CDH13: variants seen among roughly 807,000 people sequenced by gnomAD.
CDH13 encodes cadherin-13.
A neutral mutation model predicts 63.8 loss-of-function variants in CDH13; 24 were observed. That is an observed-to-expected ratio of 0.38 (90% CI 0.27 to 0.53). The LOEUF is 0.53. Among genes scored for constraint, CDH13 ranks in the 20% least tolerant of loss-of-function variants. CDH13 has a pLI of 0.85. For missense variants in CDH13, 1,049 were observed against 903.1 expected, an observed-to-expected ratio of 1.16 and a Z score of -2.07; for synonymous variants, 503 against 355.3, an observed-to-expected ratio of 1.42 and a Z score of -4.67.
intron 3 of CDH13, among the ~76,000 whole-genome samples, chr16:83,113,641 G>C (rs2035166892): frequency 6.6e-6 from 1 of 152,198 alleles, no homozygotes; most frequent in South Asian, 2.1e-4. Context: ...AAAAGGCAAA[G>C]TGCAGCCAAT....
At chr16:83,180,629 A>G (rs763838744) in intron 4 of CDH13, among the ~76,000 whole-genome samples, 43 of 152,242 alleles carry the variant, frequency 2.8e-4, no homozygotes, top group Non-Finnish European at 5.1e-4. Context: ...ATGTGAAAAC[A>G]TGGTCCCAGC....
At chr16:83,149,476 G>C (rs1287454675) in intron 4 of CDH13, among the ~76,000 whole-genome samples, 1 of 152,162 alleles carries the variant, frequency 6.6e-6, no homozygotes, top group Non-Finnish European at 1.5e-5. Flanking sequence ...GGAACTGAGA[G>C]GGGATATGGT....
At chr16:82,883,147 G>C (rs963059120) in intron 2 of CDH13, among the ~76,000 whole-genome samples, 3 of 152,214 alleles carry the variant, frequency 2.0e-5, no homozygotes, top group African/African-American at 7.2e-5. Flanking sequence ...TAAGAGAAGA[G>C]ATAAGAAATG....
chr16:83,432,530 A>G (rs1157550327), intron 6 of CDH13, among the ~76,000 whole-genome samples: 1 of 152,132 alleles, frequency 6.6e-6, no homozygotes, highest in Admixed American at 6.6e-5. Flanking sequence ...TCCTCTCCTC[A>G]CCACAGCTGC....
At chr16:83,129,360 C>T (rs1351640243) in intron 4 of CDH13, among the ~76,000 whole-genome samples, 2 of 152,168 alleles carry the variant, frequency 1.3e-5, no homozygotes, top group Non-Finnish European at 2.9e-5. Flanking sequence ...TCTTTGGCTT[C>T]CCCTAGAAGT....
chr16:83,666,095 CTT>C (rs1477842602), intron 8 of CDH13, among the ~76,000 whole-genome samples: 3 of 152,170 alleles, frequency 2.0e-5, no homozygotes, highest in Admixed American at 2.0e-4. Context: ...AGAAAAGTAA[CTT>C]TATCTATTTT....
intron 4 of CDH13, among the ~76,000 whole-genome samples, chr16:83,202,094 C>T (rs939858422): frequency 2.6e-5 from 4 of 152,116 alleles, no homozygotes; most frequent in African/African-American, 9.7e-5. Context: ...ATAGTGTCCC[C>T]TGAAAATGGC....
At chr16:82,737,132 T>A (rs964508926) in intron 1 of CDH13, among the ~76,000 whole-genome samples, 2 of 152,240 alleles carry the variant, frequency 1.3e-5, no homozygotes, top group Non-Finnish European at 2.9e-5. Flanking sequence ...CCTTGAACCC[T>A]CTAGAACAAT....
intron 1 of CDH13, among the ~76,000 whole-genome samples, chr16:82,722,807 A>G (rs759186370): frequency 6.6e-6 from 1 of 152,208 alleles, no homozygotes; most frequent in African/African-American, 2.4e-5. Flanking sequence ...ATGCAGATAC[A>G]TACATATAAG....
intron 2 of CDH13, among the ~76,000 whole-genome samples, chr16:83,026,326 G>T (rs566278270): frequency 6.6e-6 from 1 of 152,182 alleles, no homozygotes; most frequent in Admixed American, 6.5e-5. Context: ...ATCAGAGAAG[G>T]TTCTCGCTCT....
At chr16:83,636,293 A>G (rs1911258606) in intron 8 of CDH13, among the ~76,000 whole-genome samples, 1 of 152,172 alleles carries the variant, frequency 6.6e-6, no homozygotes, top group African/African-American at 2.4e-5. Context: ...ATTTCAGAAA[A>G]CATTTTTTTT....
intron 4 of CDH13, among the ~76,000 whole-genome samples, chr16:83,197,679 T>C (rs2038913776): frequency 6.6e-6 from 1 of 151,960 alleles, no homozygotes; most frequent in African/African-American, 2.4e-5. Flanking sequence ...AGGATCCCAG[T>C]GGGGATGGAA....
chr16:83,539,016 T>A (rs35008285), intron 7 of CDH13, among the ~76,000 whole-genome samples: 55,918 of 151,626 alleles, frequency 0.37, 11,328 homozygotes, highest in Non-Finnish European at 0.45. Flanking sequence ...AAACCAAGAT[T>A]CATTGTAAAT....
intron 2 of CDH13, among the ~76,000 whole-genome samples, chr16:82,957,915 C>G (rs1906369497): frequency 1.3e-5 from 2 of 152,132 alleles, no homozygotes; most frequent in South Asian, 2.1e-4. Flanking sequence ...CATAATTTTG[C>G]CAGTGTTTAT....
chr16:82,926,587 C>T (rs1235137811), intron 2 of CDH13, among the ~76,000 whole-genome samples: 2 of 152,320 alleles, frequency 1.3e-5, no homozygotes, highest in East Asian at 1.9e-4. Context: ...TAGAAGTCTT[C>T]ACTAGATTCC....
chr16:83,207,330 A>G (rs964626247), intron 4 of CDH13, among the ~76,000 whole-genome samples: 11 of 152,198 alleles, frequency 7.2e-5, no homozygotes, highest in African/African-American at 2.7e-4. Context: ...GGAATCAGAC[A>G]ATATCTGTTC....
chr16:82,844,272 T>C lies in CDH13; in HGVS notation c.46-14090T>C, dbSNP rs1350948811. 2.6e-5 allele frequency among the ~76,000 whole-genome samples: 4 copies of C among 152,096 alleles called. No homozygotes were observed. The East Asian group carries it at 7.7e-4, about 29-fold the overall frequency. On this transcript the variant is annotated intron_variant, in intron 1 of 13. Coordinates refer to ENST00000567109, the MANE Select transcript of CDH13 (RefSeq NM_001257.5). ...GAAGGAGGCTGTGAACTAAAGGATG[T>C]AGATGACCTAGCTGGAGAAAACACA...
At chr16:83,457,029 G>T (rs1011060716) in intron 6 of CDH13, among the ~76,000 whole-genome samples, 4 of 152,158 alleles carry the variant, frequency 2.6e-5, no homozygotes, top group African/African-American at 7.2e-5. Context: ...TAAGCAAGAG[G>T]CAGGTTACTA....
At chr16:83,361,462 C>A (rs771471838) in intron 6 of CDH13, among the ~76,000 whole-genome samples, 1 of 152,022 alleles carries the variant, frequency 6.6e-6, no homozygotes, top group Non-Finnish European at 1.5e-5. Flanking sequence ...TTTTTGTTTT[C>A]CTTGTGATTG....
Sources: gnomAD v4.1 joint callset for allele counts (sites outside exome capture counted in the v4.1 genomes callset) on GRCh38, gnomAD v4.1.1 for gene constraint, MANE v1.5 for transcripts, NCBI Gene and HGNC (gene_info 2026-07-23, HGNC 2026-07-21) for gene names.